TTC6: variants seen among roughly 807,000 people sequenced by gnomAD.
The protein encoded by TTC6 is tetratricopeptide repeat protein 6.
Under a neutral mutation model 210.4 loss-of-function variants are expected in TTC6, and 172 were observed. That is an observed-to-expected ratio of 0.82 (90% CI 0.72 to 0.93). The LOEUF is 0.93. Ranked by LOEUF, TTC6 falls within the 40% of genes least tolerant of loss-of-function variation. The pLI, the probability that TTC6 is intolerant of heterozygous loss-of-function variation, is 0.00. For missense variants in TTC6, 2,414 were observed against 2,318.1 expected (o/e 1.04, Z -0.85); for synonymous variants, 804 against 819.6 (o/e 0.98, Z 0.32).
intron 1 of TTC6, among the ~76,000 whole-genome samples, chr14:37,631,461 G>A (rs1357109776): frequency 6.6e-6 from 1 of 152,172 alleles, no homozygotes; most frequent in East Asian, 1.9e-4. Context: ...CTGGCTTGTA[G>A]GGTTTCTGCT....
At chr14:37,789,530 G>T (rs563081761) in intron 15 of TTC6, among the ~76,000 whole-genome samples, 1 of 149,744 alleles carries the variant, frequency 6.7e-6, no homozygotes, top group Non-Finnish European at 1.5e-5. Context: ...CTTGACATTC[G>T]CATTGTGGAT....
At position 37,622,150 on chromosome 14, in the gene TTC6, CT is replaced by C; in HGVS notation, c.87del (p.Lys31ArgfsTer16). ...GAGCTTGAGAAAGTTCGGCAGGAAA[CT>C]AAAAAGGATTTTCTCCGATTCAAGC... is the stretch of plus-strand genomic sequence containing the variant. On this transcript the variant is annotated frameshift_variant, in exon 1 of 31. Transcript: ENST00000553443. LOFTEE classifies it high-confidence loss of function. 6.5e-7 allele frequency: 1 copy of C among 1,535,488 alleles called. No homozygotes were observed. Among genetic ancestry groups the C allele is most frequent in the Non-Finnish European group, 8.7e-7 (1 of 1,146,698 alleles).
chr14:37,725,288 ATATG>A (rs1294657288), intron 7 of TTC6, among the ~76,000 whole-genome samples: 7 of 94,334 alleles, frequency 7.4e-5, no homozygotes, highest in Non-Finnish European at 1.7e-4. Flanking sequence ...TAAAATTTAT[ATATG>A]TATGTATGTG....
intron 29 of TTC6, among the ~76,000 whole-genome samples, chr14:37,830,851 T>C (rs1480633838): frequency 6.6e-6 from 1 of 152,170 alleles, no homozygotes; most frequent in African/African-American, 2.4e-5. Context: ...CATGATATTT[T>C]GATATGTGCA....
chr14:37,764,500 C>T (rs1316122496), intron 14 of TTC6, among the ~76,000 whole-genome samples: 1 of 152,060 alleles, frequency 6.6e-6, no homozygotes, highest in Admixed American at 6.6e-5. Flanking sequence ...GATTGATTGA[C>T]TCTTTCATCA....
At chr14:37,708,635 T>C in intron 5 of TTC6, among the ~76,000 whole-genome samples, 1 of 152,114 alleles carries the variant, frequency 6.6e-6, no homozygotes, top group East Asian at 1.9e-4. Flanking sequence ...TTAGGACCAA[T>C]TTGACCTAAT....
intron 15 of TTC6, 123 bp from the exon 18 acceptor site, chr14:37,790,594 T>C (rs890985694): frequency 7.9e-6 from 6 of 762,292 alleles, no homozygotes; most frequent in Non-Finnish European, 1.0e-5. Context: ...ATCATAGATA[T>C]GTTTCTATTT....
exon 29 of TTC6, chr14:37,827,308 A>G: frequency 6.2e-7 from 1 of 1,613,258 alleles, no homozygotes; most frequent in Non-Finnish European, 8.5e-7. Flanking sequence ...AACCCCAAGT[A>G]CTCGCTGGCT....
intron 2 of TTC6, among the ~76,000 whole-genome samples, chr14:37,682,376 GAAAA>G: frequency 6.9e-6 from 1 of 145,906 alleles, no homozygotes; most frequent in Non-Finnish European, 1.5e-5. Context: ...TTGTGATATG[GAAAA>G]AAAAAAGAAC....
intron 29 of TTC6, among the ~76,000 whole-genome samples, chr14:37,836,267 C>G (rs1037463439): frequency 1.3e-5 from 2 of 152,174 alleles, no homozygotes; most frequent in Non-Finnish European, 2.9e-5. Context: ...TCTATCCTGT[C>G]AGTAAAGACA....
At chr14:37,715,871 A>G (rs1342799359) in intron 6 of TTC6, among the ~76,000 whole-genome samples, 2 of 152,214 alleles carry the variant, frequency 1.3e-5, no homozygotes, top group South Asian at 2.1e-4. Flanking sequence ...GAGAGAAATG[A>G]TAAGAGAAAA....
chr14:37,678,866 A>G (rs796709902), intron 1 of TTC6, among the ~76,000 whole-genome samples: 2 of 152,254 alleles, frequency 1.3e-5, no homozygotes, highest in African/African-American at 4.8e-5. Context: ...TTAAGGTACA[A>G]TGGGAGTTTG....
intron 9 of TTC6, 97 bp from the exon 12 acceptor site, chr14:37,738,679 C>G (rs2095908670): frequency 9.7e-7 from 1 of 1,034,676 alleles, no homozygotes; most frequent in South Asian, 2.3e-5. Flanking sequence ...AGTGACCAAA[C>G]CACATTAATA....
chr14:37,642,876 T>C (rs2095694675), intron 1 of TTC6, among the ~76,000 whole-genome samples: 2 of 152,222 alleles, frequency 1.3e-5, no homozygotes, highest in Admixed American at 1.3e-4. Flanking sequence ...ATCTAAACAG[T>C]GTAACTAATG....
intron 13 of TTC6, among the ~76,000 whole-genome samples, chr14:37,751,849 A>C (rs1449946106): frequency 7.4e-6 from 1 of 134,860 alleles, no homozygotes; most frequent in Admixed American, 7.9e-5. Flanking sequence ...TTTGAGGCAG[A>C]GTCTTGCGCT....
chr14:37,786,990 A>T (rs886646685), intron 14 of TTC6, among the ~76,000 whole-genome samples: 2 of 152,188 alleles, frequency 1.3e-5, no homozygotes, highest in Non-Finnish European at 2.9e-5. Flanking sequence ...AATAGCTTTC[A>T]TCCGTGAAAG....
intron 1 of TTC6, among the ~76,000 whole-genome samples, chr14:37,651,387 T>TATATATATA (rs2095710849): frequency 3.2e-5 from 1 of 30,902 alleles, no homozygotes; most frequent in East Asian, 1.3e-3. Flanking sequence ...ACTGTTTATG[T>TATATATATA]TATATATATA....
chr14:37,697,921 CTTTTT>C (rs2095817811), intron 4 of TTC6, among the ~76,000 whole-genome samples: 1 of 151,824 alleles, frequency 6.6e-6, no homozygotes, highest in Non-Finnish European at 1.5e-5. Flanking sequence ...AGAGTCTTTT[CTTTTT>C]TATGTCTTAG....
At chr14:37,723,326 G>C (rs1286455119) in intron 6 of TTC6, among the ~76,000 whole-genome samples, 2 of 151,990 alleles carry the variant, frequency 1.3e-5, no homozygotes, top group Non-Finnish European at 2.9e-5. Flanking sequence ...GTTTCTACTG[G>C]GCATTGTTGC....
Sources: gnomAD v4.1 joint callset for allele counts (sites outside exome capture counted in the v4.1 genomes callset) on GRCh38, gnomAD v4.1.1 for gene constraint, MANE v1.5 for transcripts, NCBI Gene and HGNC (gene_info 2026-07-23, HGNC 2026-07-21) for gene names.